TOP2A: variants seen among roughly 807,000 people sequenced by gnomAD.
The protein encoded by TOP2A is DNA topoisomerase 2-alpha.
In TOP2A, 68 loss-of-function variants were observed where a neutral mutation model predicts 187.2. The ratio of observed to expected loss-of-function variants is 0.36; its 90% CI spans 0.30 to 0.44. The LOEUF (loss-of-function observed/expected upper bound fraction) is 0.44. TOP2A is among the 20% of genes least tolerant of loss of function. TOP2A has a pLI of 1.00. For synonymous variants in TOP2A, 542 were observed against 593.2 expected (o/e 0.91, Z 1.25); for missense variants, 1,196 against 1,808.7 (o/e 0.66, Z 6.14).
At chr17:40,417,655 C>T (rs1399282093) in intron 1 of TOP2A, 116 bp downstream of exon 1, 1 of 1,557,606 alleles carries the variant, frequency 6.4e-7, no homozygotes, top group Non-Finnish European at 8.7e-7. Flanking sequence ...AGAATATGGG[C>T]TCCCAAGCCG....
At position 40,402,932 on chromosome 17, in the gene TOP2A, A is replaced by C; in HGVS notation, c.2406T>G (p.Ser802Arg). The C allele has an allele frequency of 6.2e-7, 1 of 1,609,340 alleles. No homozygotes were observed. Among genetic ancestry groups the C allele is most frequent in the Non-Finnish European group, 8.5e-7 (1 of 1,177,628 alleles). The change falls in exon 20 of 35, where the codon AGT (serine) becomes AGG (arginine). Residue 802 changes from serine to arginine, a missense_variant. By Grantham distance (110) the Ser-to-Arg change is moderately radical (BLOSUM62 -1). Coordinates refer to ENST00000423485, the MANE Select transcript of TOP2A (RefSeq NM_001067.4). Reference protein sequence around the residue: ...TRLHGGKDSASPRYIFTMLSS... With the variant: ...TRLHGGKDSARPRYIFTMLSS... ...TGAGCATTGTAAAGATGTATCGTGG[A>C]CTAGCAGAATCCTTGCCACCATGTA...
At chr17:40,389,897 A>C (rs757936608) in intron 34 of TOP2A, 68 bp downstream of exon 34, 219 of 1,458,960 alleles carry the variant, frequency 1.5e-4, no homozygotes, top group Non-Finnish European at 1.9e-4. Flanking sequence ...CAAATTTTTA[A>C]GAGCAATGGC....
chr17:40,397,310 G>A (rs1042423423), intron 27 of TOP2A, among the ~76,000 whole-genome samples: 16 of 143,132 alleles, frequency 1.1e-4, no homozygotes, highest in Non-Finnish European at 2.0e-4. Context: ...TTTTTAGATG[G>A]AGTCTTGCTC....
intron 4 of TOP2A, among the ~76,000 whole-genome samples, 187 bp downstream of exon 4, chr17:40,415,818 A>C (rs2035383270): frequency 1.3e-5 from 2 of 152,194 alleles, no homozygotes; most frequent in South Asian, 4.1e-4. Flanking sequence ...GATGGAGAAA[A>C]TATGGAAAAA....
intron 10 of TOP2A, 163 bp from the exon 11 acceptor site, chr17:40,408,793 G>C: frequency 1.3e-6 from 1 of 749,644 alleles, no homozygotes; most frequent in Non-Finnish European, 2.3e-6. Flanking sequence ...TCCCATGTCA[G>C]GTTATCACCA....
In TOP2A at chr17:40,411,716, C is replaced by A; in HGVS notation, c.892G>T (p.Glu298Ter). The A allele has an allele frequency of 6.2e-7, 1 of 1,613,436 alleles. No homozygotes were observed. The highest frequency in any genetic ancestry group is 1.3e-5 in the African/African-American group (1 of 75,030). ...VIHEQVNHRW[E>*]VCLTMSEKGF... Reference sequence around the variant, plus strand: ...TTTTCACTCATAGTTAAACACACTTCCCACCTGTGGTTTACTTGTTCATGT... The same window carrying A: ...TTTTCACTCATAGTTAAACACACTTACCACCTGTGGTTTACTTGTTCATGT... The change falls in exon 8 of 35, where the codon GAA becomes TAA. Residue 298 changes from glutamate (E) to a stop codon, truncating the protein, a stop_gained. Transcript: ENST00000423485. LOFTEE classifies it high-confidence loss of function. This position sits in a 1 kb window ranked among gnomAD's most constrained non-coding sequence, Gnocchi z 4.4.
At chr17:40,390,782 C>G (rs1259714722) in intron 33 of TOP2A, among the ~76,000 whole-genome samples, 1 of 151,892 alleles carries the variant, frequency 6.6e-6, no homozygotes, top group Non-Finnish European at 1.5e-5. Flanking sequence ...TGTGCCACCA[C>G]ACCTGGCTAA....
At chr17:40,414,884 A>G (rs1267592813) in intron 4 of TOP2A, among the ~76,000 whole-genome samples, 1 of 151,380 alleles carries the variant, frequency 6.6e-6, no homozygotes, top group African/African-American at 2.4e-5. Context: ...AGGAAAACCA[A>G]TATCAATCAT....
At chr17:40,409,375 A>G (rs1282975636) in intron 10 of TOP2A, 6 of 306,976 alleles carry the variant, frequency 2.0e-5, no homozygotes, top group Non-Finnish European at 3.8e-5. Flanking sequence ...AGCTGTCTCC[A>G]AAAAAAAAAA....
rs1442271035 is a variant in TOP2A, at chr17:40,406,865, A to G, written c.1704T>C (p.Arg568=). The G allele has an allele frequency of 5.6e-6, 9 of 1,607,696 alleles. No homozygotes were observed. The highest frequency in any genetic ancestry group is 7.6e-6 in the Non-Finnish European group (9 of 1,176,532). Residue 568 remains arginine, a synonymous_variant, in exon 14 of 35, where the codon CGT becomes CGC. Coordinates refer to ENST00000423485, the MANE Select transcript of TOP2A (RefSeq NM_001067.4). The part of the protein sequence containing the change: ...HHNWPSLLRH[R]FLEEFITPIV... ...TGGGAGTGATAAATTCCTCCAGAAA[A>G]CGATGTCGCAGAAGAGAGGGCCAGT...
At chr17:40,393,149 C>T (rs1202250440) in intron 29 of TOP2A, among the ~76,000 whole-genome samples, 2 of 151,810 alleles carry the variant, frequency 1.3e-5, no homozygotes, top group African/African-American at 2.4e-5. Context: ...TGGCAAAACC[C>T]CATCTCTACA....
In TOP2A at chr17:40,411,294, A is replaced by T; in HGVS notation, c.1066-48T>A. 1 of 1,612,574 alleles carries T rather than the reference A, an allele frequency of 6.2e-7. No homozygotes were observed. The highest frequency in any genetic ancestry group is 8.5e-7 in the Non-Finnish European group (1 of 1,179,390). On this transcript the variant is annotated intron_variant, in intron 9 of 34. Coordinates refer to ENST00000423485, the MANE Select transcript of TOP2A (RefSeq NM_001067.4). The surrounding 1 kb of genome is among the most constrained non-coding windows in gnomAD (Gnocchi z 4.4). ...GCCACTAAAAATGTACTCATGCTTT[A>T]TTTATAGCCTTTCTCTTCTTCCTTG...
intron 20 of TOP2A, 150 bp from the exon 21 acceptor site, chr17:40,401,231 A>G (rs2035176685): frequency 2.9e-6 from 2 of 693,662 alleles, no homozygotes; most frequent in African/African-American, 3.6e-5. Context: ...AGCACTTGCT[A>G]TGTGTCACGC....
At chr17:40,403,330 A>G (rs970626218) in intron 19 of TOP2A, among the ~76,000 whole-genome samples, 9 of 152,186 alleles carry the variant, frequency 5.9e-5, no homozygotes, top group Admixed American at 5.2e-4. Flanking sequence ...TTTGTGTTAC[A>G]ATGCTGTGTT....
In TOP2A at chr17:40,411,102, T is replaced by TACTC; in HGVS notation, c.1203+3_1203+6dup. 1 of 1,597,438 alleles carries TACTC rather than the reference T, an allele frequency of 6.3e-7. No homozygotes were observed. The highest frequency in any genetic ancestry group is 8.5e-7 in the Non-Finnish European group (1 of 1,174,548). ...GTTTCTATTTTTATTTTCCTCTAAG[T>TACTC]ACTCACAGCTTTGATAAATTTTTCA... On this transcript the variant is annotated splice_region_variant and intron_variant, in intron 10 of 34. Transcript: ENST00000423485. The surrounding 1 kb of genome is among the most constrained non-coding windows in gnomAD (Gnocchi z 4.4).
At chr17:40,394,406 C>G (rs980695718) in intron 29 of TOP2A, among the ~76,000 whole-genome samples, 1 of 152,198 alleles carries the variant, frequency 6.6e-6, no homozygotes, top group African/African-American at 2.4e-5. Flanking sequence ...AGTCTTGGCT[C>G]TCTGCAACCT....
At chr17:40,415,854 G>C in intron 4 of TOP2A, 151 bp downstream of exon 4, 1 of 571,944 alleles carries the variant, frequency 1.7e-6, no homozygotes, top group Non-Finnish European at 3.2e-6. Context: ...GATCTAGGTG[G>C]TGGGTATCCA....
At chr17:40,410,665 AAAGG>A in intron 10 of TOP2A, 1 of 455,928 alleles carries the variant, frequency 2.2e-6, no homozygotes, top group South Asian at 1.6e-5. Context: ...GAGGGGAAAT[AAAGG>A]AAGGCTCCCA....
At chr17:40,407,946 G>T (rs371867883) in intron 12 of TOP2A, 21 bp downstream of exon 12, 159 of 1,588,458 alleles carry the variant, frequency 1.0e-4, no homozygotes, top group Non-Finnish European at 1.3e-4. Flanking sequence ...TTTAGATTCT[G>T]AAGATCGTCT....
Sources: gnomAD v4.1 joint callset for allele counts (sites outside exome capture counted in the v4.1 genomes callset) on GRCh38, gnomAD v4.1.1 for gene constraint, Gnocchi (gnomAD v3.1) non-coding constraint, MANE v1.5 for transcripts, NCBI Gene and HGNC (gene_info 2026-07-23, HGNC 2026-07-21) for gene names.